GRK2: variants seen among roughly 807,000 people sequenced by gnomAD.
The protein encoded by GRK2 is G protein-coupled receptor kinase 2.
A neutral mutation model predicts 97.8 loss-of-function variants in GRK2; 23 were observed. That is an observed-to-expected ratio of 0.24 (90% CI 0.17 to 0.33). The LOEUF is 0.33. GRK2 is among the 10% of genes least tolerant of loss of function. GRK2 has a pLI of 1.00. For synonymous variants in GRK2, 425 were observed against 381.7 expected (o/e 1.11, Z -1.32); for missense variants, 633 against 956.9 (o/e 0.66, Z 4.47).
At chr11:67,270,751 C>G (rs1328522949) in intron 1 of GRK2, among the ~76,000 whole-genome samples, 1 of 152,228 alleles carries the variant, frequency 6.6e-6, no homozygotes, top group African/African-American at 2.4e-5. Context: ...GGATGTCTTT[C>G]CCGTCTGTTT....
intron 6 of GRK2, 21 bp from the exon 7 acceptor site, chr11:67,280,711 G>T (rs1166433099): frequency 1.7e-5 from 28 of 1,613,844 alleles, no homozygotes; most frequent in Admixed American, 1.3e-4. Flanking sequence ...TGGCCCCTGA[G>T]CCCTGATTCT....
chr11:67,270,001 G>A (rs61759801), intron 1 of GRK2, among the ~76,000 whole-genome samples: 12 of 152,154 alleles, frequency 7.9e-5, no homozygotes, highest in Non-Finnish European at 1.6e-4. Flanking sequence ...TGTGTATCTG[G>A]AAGATGGGAG....
At chr11:67,283,424 T>C (rs1860197780) in intron 15 of GRK2, 196 bp downstream of exon 15, 2 of 618,666 alleles carry the variant, frequency 3.2e-6, no homozygotes, top group Non-Finnish European at 5.7e-6. Context: ...AACCAGCTAG[T>C]AACTGGCTTC....
chr11:67,277,875 T>G (rs992326044), intron 2 of GRK2, among the ~76,000 whole-genome samples: 1 of 152,074 alleles, frequency 6.6e-6, no homozygotes, highest in Non-Finnish European at 1.5e-5. Flanking sequence ...TTGGGGCAGG[T>G]CTCGGGAAGC....
At chr11:67,279,363 G>A (rs1860098257) in intron 3 of GRK2, 55 bp from the exon 4 acceptor site, 3 of 1,608,804 alleles carry the variant, frequency 1.9e-6, no homozygotes, top group Non-Finnish European at 2.6e-6. Flanking sequence ...GCCTGGTGTG[G>A]GCATCCCCAT....
At chr11:67,270,383 C>T (rs1374905369) in intron 1 of GRK2, among the ~76,000 whole-genome samples, 2 of 151,122 alleles carry the variant, frequency 1.3e-5, no homozygotes, top group Non-Finnish European at 3.0e-5. Flanking sequence ...TGGCTGTTTC[C>T]TGGTCCCTCC....
intron 1 of GRK2, chr11:67,271,061 C>T (rs1316346790): frequency 1.3e-5 from 2 of 152,222 alleles, no homozygotes; most frequent in African/African-American, 2.4e-5. Flanking sequence ...GGGCTCCACG[C>T]GCTTGGCTGT....
rs764166631 is a variant in GRK2, at chr11:67,285,808, C to T, written c.*358C>T. On this transcript the variant is annotated 3_prime_UTR_variant, in exon 21 of 21. Transcript: ENST00000308595. ...GGCACTGCTGGGTGGCCCATCCCCC[C>T]TCACCAGGGGCAGGCACAGCACAGG... The T allele has an allele frequency of 1.7e-5, 5 of 294,138 alleles. No individual in the cohort carries two copies. Among genetic ancestry groups the T allele is most frequent in the Non-Finnish European group, 3.2e-5 (5 of 156,548 alleles). 18.2% of individuals were successfully genotyped at this position (294,138 alleles called of 1,614,324 possible).
Position 67,277,160 on chromosome 11 carries a change from C to T in GRK2, c.114-112C>T, listed in dbSNP as rs1313750825. ...GTGAGTAGGCCTGACGGGCTGGCCTCCTTCCTGGAGGGAGTGGCGACACCA... is the reference window on the plus strand; with the variant it reads ...GTGAGTAGGCCTGACGGGCTGGCCTTCTTCCTGGAGGGAGTGGCGACACCA... On this transcript the variant is annotated intron_variant, in intron 1 of 20. Transcript: ENST00000308595. 6.0e-6 allele frequency: 6 copies of T among 1,006,864 alleles called. No homozygotes were observed. In the African/African-American group the frequency reaches 8.0e-5, roughly 13 times the overall value. 62.4% of individuals were successfully genotyped at this position (1,006,864 alleles called of 1,614,324 possible). A position where few individuals can be genotyped will look rare whatever the true frequency, so the allele number is the denominator to read the frequency against.
chr11:67,286,359 G>A lies in GRK2; in HGVS notation c.*909G>A, dbSNP rs1482364787. 21 of 696,378 alleles carry A rather than the reference G, an allele frequency of 3.0e-5. No homozygotes were observed. The highest frequency in any genetic ancestry group is 5.4e-5 in the East Asian group (2 of 37,078). The allele number at this position is 696,378 out of a possible 1,614,324, so 43.1% of individuals were successfully genotyped here. On this transcript the variant is annotated 3_prime_UTR_variant, in exon 21 of 21. Transcript: ENST00000308595. ...CCACAGCCCACGTCCTGTCAGTGCC[G>A]CCGCCTCGCCCACCGCATGCCCCCT...
At chr11:67,275,392 G>T (rs1860008572) in intron 1 of GRK2, among the ~76,000 whole-genome samples, 1 of 152,146 alleles carries the variant, frequency 6.6e-6, no homozygotes, top group Non-Finnish European at 1.5e-5. Context: ...CCAGACCCTC[G>T]GGCCCAAAGC....
Position 67,282,255 on chromosome 11 carries a change from T to C in GRK2, c.958-16T>C. 1 of 1,612,578 alleles carries C rather than the reference T, an allele frequency of 6.2e-7. No individual in the cohort carries two copies. Among genetic ancestry groups the C allele is most frequent in the Non-Finnish European group, 8.5e-7 (1 of 1,179,418 alleles). ...TCCTGAGCTGCCCCAGGCAGCTCACTGGGCTTCCTTCACAGCCAGCCAACA... is the reference window on the plus strand; with the variant it reads ...TCCTGAGCTGCCCCAGGCAGCTCACCGGGCTTCCTTCACAGCCAGCCAACA... On this transcript the variant is annotated splice_polypyrimidine_tract_variant and intron_variant, in intron 11 of 20. Transcript: ENST00000308595. This position sits in a 1 kb window ranked among gnomAD's most constrained non-coding sequence, Gnocchi z 6.9.
chr11:67,279,856 T>A lies in GRK2; in HGVS notation c.459T>A (p.Ile153=). The stretch of plus-strand genomic sequence containing the variant: ...TCCCTTAGCCATACATCGAAGAGAT[T>A]TGTCAAAACCTCCGAGGGGACGTGT... The part of the protein sequence containing the change: ...PDLFQPYIEE[I]CQNLRGDVFQ... The change falls in exon 6 of 21, where the codon ATT becomes ATA. Residue 153 remains isoleucine, a synonymous_variant. Coordinates refer to ENST00000308595, the MANE Select transcript of GRK2 (RefSeq NM_001619.5). The A allele has an allele frequency of 2.5e-6, 4 of 1,613,988 alleles. No individual in the cohort carries two copies. The highest frequency in any genetic ancestry group is 1.3e-5 in the African/African-American group (1 of 75,044).
In GRK2 at chr11:67,285,665, C is replaced by T; in HGVS notation, c.*215C>T. On this transcript the variant is annotated 3_prime_UTR_variant, in exon 21 of 21. Coordinates refer to ENST00000308595, the MANE Select transcript of GRK2 (RefSeq NM_001619.5). ...CCCTCTGTCCTGACTTCAGGGGCTG[C>T]CCGCTCCCAGTGTCTTCCTGTGGGG... is the stretch of plus-strand genomic sequence containing the variant. The T allele has an allele frequency of 3.5e-6, 2 of 568,496 alleles. No homozygotes were observed. 35.2% of individuals were successfully genotyped at this position (568,496 alleles called of 1,614,324 possible).
rs1860103451 is a variant in GRK2, at chr11:67,279,486, A to G, written c.333A>G (p.Ser111=). The change falls in exon 4 of 21, where the codon TCA becomes TCG. Residue 111 remains serine (S), a synonymous_variant. Transcript: ENST00000308595. ...CCCGCAGCCGGGAGATCTTCGACTC[A>G]TACATCATGAAGGAGCTGCTGGCCT... ...RVARSREIFD[S]YIMKELLACS... is the part of the protein sequence containing the mutation. The G allele has an allele frequency of 6.2e-7, 1 of 1,613,336 alleles. No individual in the cohort carries two copies. Among genetic ancestry groups the G allele is most frequent in the Non-Finnish European group, 8.5e-7 (1 of 1,180,024 alleles).
At chr11:67,270,258 G>C (rs1442823547) in intron 1 of GRK2, among the ~76,000 whole-genome samples, 1 of 152,052 alleles carries the variant, frequency 6.6e-6, no homozygotes, top group African/African-American at 2.4e-5. Context: ...TGGGCTCCTA[G>C]CTGAGGAGCC....
Position 67,272,662 on chromosome 11 carries a change from G to T in GRK2, c.114-4610G>T, listed in dbSNP as rs143217816. ...GGAGCTGGTGCAGGCCGCTGTAACT[G>T]CAGGGGTGCCAAGGTGGGACTGACT... On this transcript the variant is annotated intron_variant, in intron 1 of 20. Transcript: ENST00000308595. 1.5e-3 allele frequency among the ~76,000 whole-genome samples: 222 copies of T among 152,364 alleles called. 1 individual carries two copies. The highest frequency in any genetic ancestry group is 2.7e-3 in the Non-Finnish European group (185 of 68,034).
At position 67,281,227 on chromosome 11, in the gene GRK2, G is replaced by A; in HGVS notation, c.647+43G>A. ...CGCGGTGGGATACCTCGGGGAGCCG[G>A]GCTCCTGGGGGACCCTGACAGGCCG... On this transcript the variant is annotated intron_variant, in intron 8 of 20. Transcript: ENST00000308595. The surrounding 1 kb of genome is among the most constrained non-coding windows in gnomAD (Gnocchi z 5.7). 3 of 1,548,202 alleles carry A rather than the reference G, an allele frequency of 1.9e-6. No individual in the cohort carries two copies. The highest frequency in any genetic ancestry group is 2.7e-6 in the Non-Finnish European group (3 of 1,127,688).
intron 1 of GRK2, 82 bp from the exon 2 acceptor site, chr11:67,277,190 A>G (rs1860049210): frequency 5.1e-6 from 7 of 1,365,964 alleles, no homozygotes; most frequent in Admixed American, 1.7e-5. Flanking sequence ...ACACCACCAC[A>G]GTGCCCTCAG....
Sources: gnomAD v4.1 joint callset for allele counts (sites outside exome capture counted in the v4.1 genomes callset) on GRCh38, gnomAD v4.1.1 for gene constraint, Gnocchi (gnomAD v3.1) non-coding constraint, MANE v1.5 for transcripts, NCBI Gene and HGNC (gene_info 2026-07-23, HGNC 2026-07-21) for gene names.